Variants in OTOA observed in about 807,000 individuals in gnomAD.
The protein encoded by OTOA is otoancorin.
OTOA carries 70 observed loss-of-function variants against 110.8 expected under a neutral mutation model. That is an observed-to-expected ratio of 0.63 (90% confidence interval 0.52 to 0.77). The LOEUF is 0.77. Among genes scored for constraint, OTOA ranks in the 30% least tolerant of loss-of-function variants. OTOA has a pLI of 0.00. For synonymous variants in OTOA, 373 were observed against 431.5 expected (o/e 0.86, Z 1.68); for missense variants, 917 against 1,075.8 (o/e 0.85, Z 2.06).
chr16:21,722,097 C>CAAAAA (rs71379629), intron 17 of OTOA, among the ~76,000 whole-genome samples: 3 of 127,728 alleles, frequency 2.3e-5, no homozygotes, highest in African/African-American at 8.9e-5. Flanking sequence ...ACTAAAAATA[C>CAAAAA]AAAAAAAAAA....
At chr16:21,690,826 T>A (rs979454350) in intron 8 of OTOA, among the ~76,000 whole-genome samples, 6 of 152,172 alleles carry the variant, frequency 3.9e-5, no homozygotes, top group African/African-American at 1.4e-4. Context: ...TTTTTTTTTT[T>A]TAAATATACT....
chr16:21,717,897 G>T (rs1056132035), intron 15 of OTOA, among the ~76,000 whole-genome samples: 7 of 152,146 alleles, frequency 4.6e-5, no homozygotes, highest in Admixed American at 2.0e-4. Context: ...ATGTCCCGCT[G>T]ATCTATTGCT....
In OTOA at chr16:21,703,919, C is replaced by T. The variant is rs148107492; in HGVS notation, c.981-1250C>T. On this transcript the variant is annotated intron_variant, in intron 11 of 28. Transcript: ENST00000646100. ...CACTCATGTTTATTATGATGTGCTA[C>T]GATGAACAAAGAAAACCTCCCATTT... Among the ~76,000 whole-genome samples the T allele has an allele frequency of 7.2e-5, 11 of 152,212 alleles. 1 individual carries two copies. The East Asian group carries it at 1.5e-3, about 21-fold the overall frequency.
At chr16:21,664,431 G>C (rs558957698) in intron 1 of OTOA, among the ~76,000 whole-genome samples, 199 bp downstream of exon 1, 4 of 152,060 alleles carry the variant, frequency 2.6e-5, no homozygotes, top group East Asian at 1.9e-4. Context: ...CACTTGGAGG[G>C]GGGGGACGAT....
chr16:21,686,061 C>T (rs1418182567), intron 7 of OTOA, among the ~76,000 whole-genome samples: 2 of 151,986 alleles, frequency 1.3e-5, no homozygotes, highest in African/African-American at 4.8e-5. Flanking sequence ...GTTTAGTGAT[C>T]CAAGAATATC....
In OTOA at chr16:21,728,302, C is replaced by T. The variant is rs781268163; in HGVS notation, c.2078C>T (p.Pro693Leu). The change falls in exon 20 of 29, where the codon CCG becomes CTG. Residue 693 changes from proline (P) to leucine (L), a missense_variant. By Grantham distance (98) the Pro-to-Leu change is moderately conservative (BLOSUM62 -3). Transcript: ENST00000646100. ...DIMGNLLCHL[P>L]AAIIDRGISP... ...ATGGGGAACCTGCTGTGTCACTTGC[C>T]GGCAGCCATCATCGACAGGGGGATC... 8 of 1,614,168 alleles carry T rather than the reference C, an allele frequency of 5.0e-6. No homozygotes were observed. The highest frequency in any genetic ancestry group is 1.6e-4 in the Middle Eastern group (1 of 6,062).
Position 21,700,914 on chromosome 16 carries a change from C to T in OTOA, c.867C>T (p.Asn289=), listed in dbSNP as rs200092764. The T allele has an allele frequency of 3.4e-5, 55 of 1,614,012 alleles. No homozygotes were observed. The highest frequency in any genetic ancestry group is 3.3e-4 in the Middle Eastern group (2 of 6,054). The change falls in exon 11 of 29, where the codon AAC becomes AAT. Residue 289 remains asparagine, a synonymous_variant. Coordinates refer to ENST00000646100, the MANE Select transcript of OTOA (RefSeq NM_144672.4). ...IEIGLFISYD[N]ATKQLDMVYD... The stretch of plus-strand genomic sequence containing the variant: ...TTGGGCTGTTTATCAGCTATGACAA[C>T]GCCACCAAGCAGCTGGACATGGTCT...
intron 17 of OTOA, among the ~76,000 whole-genome samples, chr16:21,722,428 T>C (rs890391405): frequency 6.6e-6 from 1 of 150,646 alleles, no homozygotes; most frequent in Non-Finnish European, 1.5e-5. Context: ...TTAAGCTATA[T>C]ATATAGTTTA....
intron 14 of OTOA, among the ~76,000 whole-genome samples, chr16:21,715,864 G>T (rs191650321): frequency 6.6e-6 from 1 of 151,602 alleles, no homozygotes; most frequent in African/African-American, 2.4e-5. Flanking sequence ...GTCCTAGGGT[G>T]CATCTGAAAG....
intron 11 of OTOA, among the ~76,000 whole-genome samples, chr16:21,702,876 A>G (rs1898080273): frequency 6.6e-6 from 1 of 152,104 alleles, no homozygotes; most frequent in Admixed American, 6.5e-5. Context: ...GGGTTTCACC[A>G]TGTTGGCCAG....
intron 6 of OTOA, among the ~76,000 whole-genome samples, chr16:21,684,768 T>G (rs674917): frequency 7.2e-5 from 1 of 13,934 alleles, no homozygotes; most frequent in Non-Finnish European, 4.6e-4. Flanking sequence ...TATTATTATT[T>G]TTTAGGTGGA....
chr16:21,677,543 G>A (rs144124729), intron 1 of OTOA, among the ~76,000 whole-genome samples: 2,535 of 145,222 alleles, frequency 0.017, 88 homozygotes, highest in African/African-American at 0.059. Context: ...GTGCAGTGGC[G>A]TGATCTCGGC....
chr16:21,750,038 G>T (rs1446972639), intron 24 of OTOA, among the ~76,000 whole-genome samples: 1 of 152,142 alleles, frequency 6.6e-6, no homozygotes, highest in Non-Finnish European at 1.5e-5. Flanking sequence ...GCCTCCTCAG[G>T]TCCTACATAG....
chr16:21,687,349 C>T, intron 7 of OTOA, 64 bp from the exon 8 acceptor site: 2 of 1,372,086 alleles, frequency 1.5e-6, no homozygotes, highest in Non-Finnish European at 2.1e-6. Flanking sequence ...TGTGTGGTCC[C>T]TCCCAGGGCT....
rs994957127 is a variant in OTOA at position 21,720,518 on chromosome 16, C to A, written c.1806+1014C>A. On this transcript the variant is annotated intron_variant, in intron 17 of 28. Coordinates refer to ENST00000646100, the MANE Select transcript of OTOA (RefSeq NM_144672.4). ...AAGTTTTAATGAAGCTCTCTCATTCCCTTGGACTGTTAATTCTGTTAGTGA... is the reference window on the plus strand; with the variant it reads ...AAGTTTTAATGAAGCTCTCTCATTCACTTGGACTGTTAATTCTGTTAGTGA... Among the ~76,000 whole-genome samples the A allele has an allele frequency of 1.1e-4, 17 of 152,286 alleles. No individual in the cohort carries two copies. The East Asian group carries it at 1.7e-3, about 16-fold the overall frequency.
At chr16:21,700,853 C>CCTCACTGATA (rs1898038085) in intron 10 of OTOA, 35 bp from the exon 11 acceptor site, 2 of 1,613,116 alleles carry the variant, frequency 1.2e-6, no homozygotes, top group African/African-American at 2.7e-5. Flanking sequence ...CTTCCACCCT[C>CCTCACTGATA]CTCACTGATA....
chr16:21,704,036 G>A (rs1898105476), intron 11 of OTOA, among the ~76,000 whole-genome samples: 3 of 152,182 alleles, frequency 2.0e-5, no homozygotes. Flanking sequence ...CGGCCTCACA[G>A]AGAAGTTAAG....
intron 24 of OTOA, among the ~76,000 whole-genome samples, chr16:21,749,541 CA>C (rs1202778487): frequency 6.7e-6 from 1 of 148,656 alleles, no homozygotes; most frequent in Non-Finnish European, 1.5e-5. Flanking sequence ...AAAAAAAAAA[CA>C]AAAAAAAGCA....
intron 9 of OTOA, among the ~76,000 whole-genome samples, chr16:21,696,858 A>G (rs7189148): frequency 0.012 from 1,780 of 152,038 alleles, 31 homozygotes; most frequent in African/African-American, 0.041. Context: ...TTTAAGTATT[A>G]AAAATAACCT....
Sources: allele counts gnomAD v4.1 joint callset (sites outside exome capture counted in the v4.1 genomes callset), GRCh38; gene constraint gnomAD v4.1.1; transcripts MANE v1.5; gene names NCBI Gene and HGNC (gene_info 2026-07-23, HGNC 2026-07-21).